Variants in NSL1 observed in about 807,000 individuals in gnomAD.
NSL1 encodes the protein kinetochore-associated protein NSL1 homolog.
A neutral mutation model predicts 25.4 loss-of-function variants in NSL1; 11 were observed. The observed-to-expected ratio is 0.43, with a 90% CI of 0.27 to 0.72. NSL1 has a LOEUF of 0.72. Ranked by LOEUF, NSL1 falls within the 30% of genes least tolerant of loss-of-function variation. NSL1 has a pLI of 0.19. For missense variants in NSL1, 330 were observed against 342.7 expected, an observed-to-expected ratio of 0.96 and a Z score of 0.29; for synonymous variants, 118 against 120.6, an observed-to-expected ratio of 0.98 and a Z score of 0.14.
intron 4 of NSL1, among the ~76,000 whole-genome samples, chr1:212,777,413 G>A (rs1030324134): frequency 6.6e-6 from 1 of 151,502 alleles, no homozygotes; most frequent in African/African-American, 2.4e-5. Flanking sequence ...AAGAAAAAAA[G>A]GAACAATCTA....
At chr1:212,780,094 G>A (rs1398948205) in intron 4 of NSL1, among the ~76,000 whole-genome samples, 5 of 151,846 alleles carry the variant, frequency 3.3e-5, no homozygotes, top group East Asian at 1.9e-4. Context: ...TTGAGAAATC[G>A]GATGGTTGCC....
chr1:212,727,152 C>T lies in NSL1; in HGVS notation c.*11256G>A. On this transcript the variant is annotated 3_prime_UTR_variant, in exon 6 of 6. Coordinates refer to ENST00000366977, the MANE Select transcript of NSL1 (RefSeq NM_015471.4). ...CGATCCCCTTCTCTCCTAAACTGCC[C>T]CTAGAGCTAGTCCACCAGGCTTGGC... 6.3e-7 allele frequency: 1 copy of T among 1,575,632 alleles called. No homozygotes were observed. Among genetic ancestry groups the T allele is most frequent in the Non-Finnish European group, 8.6e-7 (1 of 1,161,188 alleles).
Position 212,730,045 on chromosome 1 carries a change from G to A in NSL1, c.*8363C>T. On this transcript the variant is annotated 3_prime_UTR_variant, in exon 6 of 6. Transcript: ENST00000366977. Reference sequence around the variant, plus strand: ...GCGAGTGGATCACCTGAGGTCAGGAGTTCGAGACCAGCCTGACCAACATGG... The same window carrying A: ...GCGAGTGGATCACCTGAGGTCAGGAATTCGAGACCAGCCTGACCAACATGG... 3.2e-6 allele frequency: 3 copies of A among 930,986 alleles called. No homozygotes were observed. In the South Asian group the frequency reaches 1.5e-4, roughly 46 times the overall value. 57.7% of individuals were successfully genotyped at this position (930,986 alleles called of 1,614,324 possible). A position where few individuals can be genotyped will look rare whatever the true frequency, so the allele number is the denominator to read the frequency against.
At chr1:212,756,467 T>G (rs1353400941) in intron 4 of NSL1, among the ~76,000 whole-genome samples, 1 of 152,160 alleles carries the variant, frequency 6.6e-6, no homozygotes, top group South Asian at 2.1e-4. Flanking sequence ...TTATATAAAA[T>G]TATGTATTGT....
At chr1:212,782,529 T>G (rs1660773451) in intron 3 of NSL1, 103 bp from the exon 4 acceptor site, 1 of 869,112 alleles carries the variant, frequency 1.2e-6, no homozygotes, top group Non-Finnish European at 1.9e-6. Context: ...GTACCATTCT[T>G]TTGAGGAAAA....
At chr1:212,745,161 T>A (rs199710490) in intron 4 of NSL1, among the ~76,000 whole-genome samples, 2,868 of 11,796 alleles carry the variant, frequency 0.24, 28 homozygotes, top group Non-Finnish European at 0.29. Context: ...ACAAACAAAC[T>A]ATATATATAT....
In NSL1 at chr1:212,728,182, A is replaced by G. The variant is rs1337399316; in HGVS notation, c.*10226T>C. 1.1e-6 allele frequency: 1 copy of G among 928,800 alleles called. No individual in the cohort carries two copies. Among genetic ancestry groups the G allele is most frequent in the Non-Finnish European group, 1.3e-6 (1 of 778,502 alleles). The allele number at this position is 928,800 out of a possible 1,614,324, so 57.5% of individuals were successfully genotyped here. ...TGGTGCATGTGAAGCTTTTAGCATGATCATGGCATGTAGTAAGCACTCAAT... is the reference window on the plus strand; with the variant it reads ...TGGTGCATGTGAAGCTTTTAGCATGGTCATGGCATGTAGTAAGCACTCAAT... On this transcript the variant is annotated 3_prime_UTR_variant, in exon 6 of 6. Coordinates refer to ENST00000366977, the MANE Select transcript of NSL1 (RefSeq NM_015471.4).
intron 4 of NSL1, among the ~76,000 whole-genome samples, chr1:212,770,375 T>C (rs186933263): frequency 6.6e-6 from 1 of 152,092 alleles, no homozygotes; most frequent in Admixed American, 6.5e-5. Context: ...CATCAGAGAC[T>C]ATTAAAACAG....
chr1:212,771,624 A>AC (rs1462742613), intron 4 of NSL1, among the ~76,000 whole-genome samples: 183 of 149,278 alleles, frequency 1.2e-3, no homozygotes, highest in African/African-American at 4.1e-3. Context: ...AAAAAAAAAA[A>AC]AAAAAAAACC....
chr1:212,774,832 T>C (rs1297727115), intron 4 of NSL1, among the ~76,000 whole-genome samples: 2 of 152,322 alleles, frequency 1.3e-5, no homozygotes, highest in South Asian at 2.1e-4. Context: ...TGGGTATACA[T>C]ACTCTGGAGA....
chr1:212,785,988 A>T (rs1660924398), intron 2 of NSL1, among the ~76,000 whole-genome samples: 1 of 152,104 alleles, frequency 6.6e-6, no homozygotes, highest in South Asian at 2.1e-4. Context: ...ATCCCACTAA[A>T]TTAGTTCTTT....
rs1313434600 is a variant in NSL1, at chr1:212,739,554, C to T, written c.547G>A (p.Glu183Lys). ...LKCRGETVAK[E>K]ISEAMKSLPA... is the part of the protein sequence containing the mutation. Reference sequence around the variant, plus strand: ...TTTACCTTCATGGCTTCACTGATCTCCTTTGCTACTGTTTCCCCTCTGCAT... The same window carrying T: ...TTTACCTTCATGGCTTCACTGATCTTCTTTGCTACTGTTTCCCCTCTGCAT... Residue 183 changes from glutamate to lysine, a missense_variant, in exon 5 of 6, where the codon GAG (glutamate) becomes AAG (lysine). Coordinates refer to ENST00000366977, the MANE Select transcript of NSL1 (RefSeq NM_015471.4). 1.9e-6 allele frequency: 3 copies of T among 1,613,572 alleles called. No homozygotes were observed. The highest frequency in any genetic ancestry group is 1.7e-5 in the Admixed American group (1 of 59,976).
chr1:212,776,758 A>G (rs1660392070), intron 4 of NSL1, among the ~76,000 whole-genome samples: 1 of 151,884 alleles, frequency 6.6e-6, no homozygotes. Context: ...CAACAACAAC[A>G]AAAACTTCTA....
chr1:212,770,425 T>C (rs1222622145), intron 4 of NSL1, among the ~76,000 whole-genome samples: 1 of 151,338 alleles, frequency 6.6e-6, no homozygotes, highest in Non-Finnish European at 1.5e-5. Context: ...CTAAAGGAAA[T>C]GAATAAATTC....
At chr1:212,743,757 C>T (rs1658617315) in intron 4 of NSL1, among the ~76,000 whole-genome samples, 1 of 152,080 alleles carries the variant, frequency 6.6e-6, no homozygotes, top group Admixed American at 6.6e-5. Flanking sequence ...CACCAATCAA[C>T]AGAATGTTTA....
In NSL1 at chr1:212,732,759, C is replaced by T. The variant is rs1414603203; in HGVS notation, c.*5649G>A. On this transcript the variant is annotated 3_prime_UTR_variant, in exon 6 of 6. Coordinates refer to ENST00000366977, the MANE Select transcript of NSL1 (RefSeq NM_015471.4). ...GAATAGAGCACAGCCCCTGGTAGAA[C>T]CCCCAAACGGGATGCCTTGGAGGTA... is the stretch of plus-strand genomic sequence containing the variant. The T allele has an allele frequency of 3.7e-6, 2 of 540,986 alleles. No homozygotes were observed. Among genetic ancestry groups the T allele is most frequent in the Non-Finnish European group, 4.7e-6 (2 of 423,994 alleles). The allele number at this position is 540,986 out of a possible 1,614,324, so 33.5% of individuals were successfully genotyped here. A position where few individuals can be genotyped will look rare whatever the true frequency, so the allele number is the denominator to read the frequency against.
At position 212,740,598 on chromosome 1, in the gene NSL1, T is replaced by C. The variant is rs1368488309; in HGVS notation, c.500-997A>G. ...GAGGTATAATTTATATATAGTGAAA[T>C]GTATAGACAGTAAGTTCAGCATTCA... On this transcript the variant is annotated intron_variant, in intron 4 of 5. Transcript: ENST00000366977. 2.0e-5 allele frequency among the ~76,000 whole-genome samples: 3 copies of C among 152,228 alleles called. 1 individual carries two copies. In the South Asian group the frequency reaches 6.2e-4, roughly 32 times the overall value.
At chr1:212,744,484 A>G (rs575579018) in intron 4 of NSL1, among the ~76,000 whole-genome samples, 19 of 152,360 alleles carry the variant, frequency 1.2e-4, no homozygotes, top group African/African-American at 4.3e-4. Flanking sequence ...GCATGCGAAA[A>G]TACAAGAAAG....
chr1:212,730,167 T>C lies in NSL1; in HGVS notation c.*8241A>G. The C allele has an allele frequency of 1.1e-6, 1 of 921,110 alleles. No individual in the cohort carries two copies. Among genetic ancestry groups the C allele is most frequent in the South Asian group, 5.0e-5 (1 of 19,840 alleles). The allele number at this position is 921,110 out of a possible 1,614,324, so 57.1% of individuals were successfully genotyped here. A position where few individuals can be genotyped will look rare whatever the true frequency, so the allele number is the denominator to read the frequency against. The stretch of plus-strand genomic sequence containing the variant: ...CGGGAGGCTAAGGCATGAGAACCTC[T>C]TGAACCTGGGAGGTGGAGGTTGCAG... On this transcript the variant is annotated 3_prime_UTR_variant, in exon 6 of 6. Coordinates refer to ENST00000366977, the MANE Select transcript of NSL1 (RefSeq NM_015471.4).
Sources: gnomAD v4.1 joint callset for allele counts (sites outside exome capture counted in the v4.1 genomes callset) on GRCh38, gnomAD v4.1.1 for gene constraint, MANE v1.5 for transcripts, NCBI Gene and HGNC (gene_info 2026-07-23, HGNC 2026-07-21) for gene names.